RNF157: variants seen among roughly 807,000 people sequenced by gnomAD.
RNF157 encodes ring finger protein 157, also known as E3 ubiquitin ligase RNF157.
Under a neutral mutation model 88.3 loss-of-function variants are expected in RNF157, and 55 were observed. That is an observed-to-expected ratio of 0.62 (90% CI 0.50 to 0.78). The LOEUF (loss-of-function observed/expected upper bound fraction) is 0.78. Ranked by LOEUF, RNF157 falls within the 30% of genes least tolerant of loss-of-function variation. The probability of loss-of-function intolerance (pLI) is 0.00; values close to 1 mark genes in which losing one functional copy is unlikely to be tolerated. For missense variants in RNF157, 788 were observed against 860.8 expected (o/e 0.92, Z 1.06); for synonymous variants, 334 against 341.2 (o/e 0.98, Z 0.23).
chr17:76,209,319 A>G (rs2069736343), intron 2 of RNF157, among the ~76,000 whole-genome samples: 4 of 152,218 alleles, frequency 2.6e-5, no homozygotes, highest in Admixed American at 2.6e-4. Flanking sequence ...AGGTCGGCAT[A>G]GGCAAACTTA....
rs527812601 is a variant in RNF157, at chr17:76,227,839, T to C, written c.88+12314A>G. Reference sequence around the variant, plus strand: ...TTGCGGTGAGCCAAGATCGCCCCATTGCACTCCAGCCTGGGCAACAAGAGC... The same window carrying C: ...TTGCGGTGAGCCAAGATCGCCCCATCGCACTCCAGCCTGGGCAACAAGAGC... On this transcript the variant is annotated intron_variant, in intron 1 of 18. Coordinates refer to ENST00000269391, the MANE Select transcript of RNF157 (RefSeq NM_052916.3). Among the ~76,000 whole-genome samples the C allele has an allele frequency of 4.6e-5, 7 of 152,082 alleles. No individual in the cohort carries two copies. In the East Asian group the frequency reaches 1.4e-3, roughly 30 times the overall value.
At chr17:76,185,671 G>A (rs941661437) in intron 2 of RNF157, among the ~76,000 whole-genome samples, 9 of 151,900 alleles carry the variant, frequency 5.9e-5, no homozygotes, top group Non-Finnish European at 8.8e-5. Context: ...GGGTTTCACC[G>A]TGTTAGCCAG....
chr17:76,154,086 AAG>A, intron 17 of RNF157, 195 bp downstream of exon 17: 1 of 588,590 alleles, frequency 1.7e-6, no homozygotes, highest in Non-Finnish European at 3.1e-6. Context: ...GAGGCCCAGA[AAG>A]AGCTGAGGAG....
intron 2 of RNF157, among the ~76,000 whole-genome samples, chr17:76,196,863 A>G (rs907597944): frequency 2.0e-5 from 3 of 151,952 alleles, no homozygotes; most frequent in Admixed American, 1.3e-4. Flanking sequence ...AGATGAAGCA[A>G]CTCTGTGGTA....
intron 8 of RNF157, chr17:76,164,464 C>T: frequency 3.7e-6 from 1 of 269,258 alleles, no homozygotes; most frequent in East Asian, 6.6e-5. Flanking sequence ...TTTCTCAAGT[C>T]CTTTGCTCAG....
chr17:76,218,124 A>T (rs965770517), intron 1 of RNF157, among the ~76,000 whole-genome samples: 1 of 152,228 alleles, frequency 6.6e-6, no homozygotes, highest in African/African-American at 2.4e-5. Flanking sequence ...AAAAACCAAA[A>T]GGTATGAGCC....
chr17:76,226,142 C>G, intron 1 of RNF157: 4 of 1,603,560 alleles, frequency 2.5e-6, no homozygotes, highest in Middle Eastern at 1.7e-4. Context: ...TGGGCTCATA[C>G]AGATGCCACT....
intron 1 of RNF157, among the ~76,000 whole-genome samples, chr17:76,228,153 A>C (rs926902041): frequency 1.3e-5 from 2 of 152,106 alleles, no homozygotes; most frequent in African/African-American, 4.8e-5. Flanking sequence ...TTTAAATTCT[A>C]TTCTTATGCT....
At chr17:76,213,438 C>T (rs2069835865) in intron 1 of RNF157, among the ~76,000 whole-genome samples, 2 of 151,944 alleles carry the variant, frequency 1.3e-5, no homozygotes, top group African/African-American at 4.8e-5. Flanking sequence ...GGCATGGTGG[C>T]ATGCGCCTGA....
chr17:76,177,719 G>C (rs1042572799), intron 2 of RNF157, among the ~76,000 whole-genome samples: 2 of 152,084 alleles, frequency 1.3e-5, no homozygotes, highest in Non-Finnish European at 1.5e-5. Context: ...AAAGGCCCAG[G>C]CTCAGCCAGA....
intron 1 of RNF157, among the ~76,000 whole-genome samples, chr17:76,239,703 G>GC (rs1036374642): frequency 2.0e-5 from 3 of 152,162 alleles, no homozygotes; most frequent in African/African-American, 7.2e-5. Context: ...AGCACCTGGC[G>GC]CAAGTGCCTG....
intron 1 of RNF157, among the ~76,000 whole-genome samples, chr17:76,215,841 G>C (rs1475988027): frequency 1.3e-5 from 2 of 152,140 alleles, no homozygotes; most frequent in African/African-American, 4.8e-5. Flanking sequence ...AACTTAAAAA[G>C]ACAAAGGGCA....
intron 2 of RNF157, among the ~76,000 whole-genome samples, chr17:76,210,289 T>A (rs2069760196): frequency 6.6e-6 from 1 of 151,902 alleles, no homozygotes; most frequent in African/African-American, 2.4e-5. Flanking sequence ...GAGGGGTCAC[T>A]CCAGATAGAA....
Position 76,161,736 on chromosome 17 carries a change from C to A in RNF157, c.953-89G>T, listed in dbSNP as rs1260523524. ...AGACAGAAACCATGATCCCTCCCAG[C>A]GCGCATCCGTTTGTCAGATCCAGCA... On this transcript the variant is annotated intron_variant, in intron 10 of 18. Coordinates refer to ENST00000269391, the MANE Select transcript of RNF157 (RefSeq NM_052916.3). This position sits in a 1 kb window ranked among gnomAD's most constrained non-coding sequence, Gnocchi z 4.6. The A allele has an allele frequency of 2.0e-6, 3 of 1,519,902 alleles. No homozygotes were observed. The highest frequency in any genetic ancestry group is 2.3e-5 in the East Asian group (1 of 44,222). 94.2% of individuals were successfully genotyped at this position (1,519,902 alleles called of 1,614,324 possible).
Position 76,234,119 on chromosome 17 carries a change from G to A in RNF157, c.88+6034C>T, listed in dbSNP as rs1458233436. Among the ~76,000 whole-genome samples the A allele has an allele frequency of 3.3e-5, 5 of 152,140 alleles. No homozygotes were observed. The South Asian group carries it at 1.0e-3, about 31-fold the overall frequency. ...CCTCTTCTGGGCATTTCTTATAAAT[G>A]AGATTATTCAATAGATGGCCTTTTG... On this transcript the variant is annotated intron_variant, in intron 1 of 18. Coordinates refer to ENST00000269391, the MANE Select transcript of RNF157 (RefSeq NM_052916.3).
chr17:76,236,685 T>C (rs917149102), intron 1 of RNF157, among the ~76,000 whole-genome samples: 26 of 152,174 alleles, frequency 1.7e-4, no homozygotes, highest in African/African-American at 5.6e-4. Context: ...TGTTGCACTG[T>C]TTGCAATAGT....
intron 2 of RNF157, among the ~76,000 whole-genome samples, chr17:76,203,791 G>A (rs1449692663): frequency 2.9e-5 from 4 of 135,838 alleles, no homozygotes; most frequent in Admixed American, 7.5e-5. Context: ...TTTTTGGGAC[G>A]GAGTCTCGCT....
intron 12 of RNF157, 31 bp downstream of exon 12, chr17:76,159,304 G>A (rs754561871): frequency 2.5e-6 from 4 of 1,571,786 alleles, no homozygotes; most frequent in Non-Finnish European, 3.5e-6. Flanking sequence ...AAGGATTCCG[G>A]GGGCAACAGT....
chr17:76,160,106 C>T lies in RNF157; in HGVS notation c.1066-533G>A, dbSNP rs1355214894. On this transcript the variant is annotated intron_variant, in intron 11 of 18. Coordinates refer to ENST00000269391, the MANE Select transcript of RNF157 (RefSeq NM_052916.3). This position sits in a 1 kb window ranked among gnomAD's most constrained non-coding sequence, Gnocchi z 4.3. ...AAGTGCTAGGATTACAGATGTAAGCCACCATGCCTGGCCAGAACATAAATA... is the reference window on the plus strand; with the variant it reads ...AAGTGCTAGGATTACAGATGTAAGCTACCATGCCTGGCCAGAACATAAATA... 6.6e-6 allele frequency among the ~76,000 whole-genome samples: 1 copy of T among 152,202 alleles called. No individual in the cohort carries two copies. The highest frequency in any genetic ancestry group is 1.5e-5 in the Non-Finnish European group (1 of 68,040).
Sources: allele counts gnomAD v4.1 joint callset (sites outside exome capture counted in the v4.1 genomes callset), GRCh38; gene constraint gnomAD v4.1.1; non-coding constraint Gnocchi (gnomAD v3.1); transcripts MANE v1.5; gene names NCBI Gene and HGNC (gene_info 2026-07-23, HGNC 2026-07-21).